PRKCQ: variants seen among roughly 807,000 people sequenced by gnomAD.
PRKCQ encodes protein kinase C theta type.
In PRKCQ, 41 loss-of-function variants were observed where a neutral mutation model predicts 91.2. That is an observed-to-expected ratio of 0.45 (90% CI 0.35 to 0.58). PRKCQ has a LOEUF of 0.58. Among genes scored for constraint, PRKCQ ranks in the 20% least tolerant of loss-of-function variants. The pLI, the probability that PRKCQ is intolerant of heterozygous loss-of-function variation, is 0.00. For missense variants in PRKCQ, 673 were observed against 896.5 expected, an observed-to-expected ratio of 0.75 and a Z score of 3.18; for synonymous variants, 307 against 316.9, an observed-to-expected ratio of 0.97 and a Z score of 0.33.
chr10:6,480,235 G>A (rs991688220), intron 11 of PRKCQ, among the ~76,000 whole-genome samples: 48 of 152,078 alleles, frequency 3.2e-4, no homozygotes, highest in African/African-American at 1.0e-3. Context: ...TTACACTTAC[G>A]ACCTAATTGT....
intron 1 of PRKCQ, among the ~76,000 whole-genome samples, chr10:6,551,943 T>C (rs1588415061): frequency 6.6e-6 from 1 of 152,374 alleles, no homozygotes; most frequent in Non-Finnish European, 1.5e-5. Flanking sequence ...ACCAACAGTG[T>C]ATAAGCATTC....
At chr10:6,442,905 T>A (rs1292189428) in intron 15 of PRKCQ, among the ~76,000 whole-genome samples, 1 of 152,014 alleles carries the variant, frequency 6.6e-6, no homozygotes, top group Non-Finnish European at 1.5e-5. Context: ...GTGGTTGCAG[T>A]GAGCCAAGAT....
intron 1 of PRKCQ, among the ~76,000 whole-genome samples, chr10:6,557,465 C>G (rs749240845): frequency 2.6e-5 from 4 of 152,178 alleles, no homozygotes; most frequent in Non-Finnish European, 5.9e-5. Flanking sequence ...CCCTTCTTCT[C>G]TCCTGCTCTC....
At chr10:6,568,836 C>T (rs904723873) in intron 1 of PRKCQ, among the ~76,000 whole-genome samples, 11 of 151,906 alleles carry the variant, frequency 7.2e-5, no homozygotes, top group Non-Finnish European at 1.5e-4. Context: ...TTACAGTGGT[C>T]CACAAAGCAG....
intron 15 of PRKCQ, among the ~76,000 whole-genome samples, chr10:6,448,142 T>C (rs1834427135): frequency 6.6e-6 from 1 of 152,182 alleles, no homozygotes; most frequent in African/African-American, 2.4e-5. Flanking sequence ...TTAGGGTGTT[T>C]GACTTTGTGT....
chr10:6,518,216 A>G (rs1040843450), intron 1 of PRKCQ, among the ~76,000 whole-genome samples: 2 of 152,356 alleles, frequency 1.3e-5, no homozygotes, highest in South Asian at 4.1e-4. Context: ...AAATATATGC[A>G]ATTGGTATTT....
intron 12 of PRKCQ, among the ~76,000 whole-genome samples, chr10:6,467,296 TGA>T (rs35362449): frequency 0.8 from 88,865 of 111,530 alleles, 35,397 homozygotes; most frequent in East Asian, 0.97. Context: ...CCAAGCAGGC[TGA>T]GAGAGAGAGA....
At chr10:6,479,230 C>CAG in intron 11 of PRKCQ, 65 bp from the exon 12 acceptor site, 1 of 1,571,290 alleles carries the variant, frequency 6.4e-7, no homozygotes. Context: ...AAAAAAGAGA[C>CAG]AGAGTCCTGA....
the PRKCQ span, among the ~76,000 whole-genome samples, chr10:6,415,431 T>C: frequency 1.2e-4 from 8 of 68,564 alleles, no homozygotes; most frequent in Non-Finnish European, 2.5e-4. Flanking sequence ...TATATATATA[T>C]ATATATATAT....
intron 11 of PRKCQ, 94 bp downstream of exon 11, chr10:6,483,346 C>T: frequency 6.6e-7 from 1 of 1,505,422 alleles, no homozygotes; most frequent in Non-Finnish European, 9.2e-7. Context: ...CACATGCAAT[C>T]CTAGTGGCCC....
chr10:6,497,371 A>G lies in PRKCQ; in HGVS notation c.543-120T>C. The G allele has an allele frequency of 8.6e-7, 1 of 1,166,254 alleles. No homozygotes were observed. Among genetic ancestry groups the G allele is most frequent in the Non-Finnish European group, 1.3e-6 (1 of 783,690 alleles). 72.2% of individuals were successfully genotyped at this position (1,166,254 alleles called of 1,614,324 possible). On this transcript the variant is annotated intron_variant, in intron 5 of 17. Transcript: ENST00000263125. This position sits in a 1 kb window ranked among gnomAD's most constrained non-coding sequence, Gnocchi z 4.5. ...GATCACAGAGCAGTTTCTGATCAGCAGCCCTGTTGTATCATTTGCCAAGAG... is the reference window on the plus strand; with the variant it reads ...GATCACAGAGCAGTTTCTGATCAGCGGCCCTGTTGTATCATTTGCCAAGAG...
At chr10:6,424,373 T>C (rs1238207456), downstream of PRKCQ, among the ~76,000 whole-genome samples, 2 of 152,178 alleles carry the variant, frequency 1.3e-5, no homozygotes, top group East Asian at 1.9e-4. Flanking sequence ...TGCTGGTGGC[T>C]TGTGGTGGGG....
At chr10:6,579,363 C>T (rs1366526373) in intron 1 of PRKCQ, among the ~76,000 whole-genome samples, 3 of 152,120 alleles carry the variant, frequency 2.0e-5, no homozygotes, top group Non-Finnish European at 4.4e-5. Flanking sequence ...ACGTCCAGCC[C>T]GCACAGGGGC....
At chr10:6,533,814 T>C (rs1240892182) in intron 1 of PRKCQ, among the ~76,000 whole-genome samples, 2 of 152,210 alleles carry the variant, frequency 1.3e-5, no homozygotes, top group Non-Finnish European at 2.9e-5. Context: ...TGAGACTGTG[T>C]CTACCAGCTA....
intron 15 of PRKCQ, among the ~76,000 whole-genome samples, chr10:6,451,488 T>C (rs1239450440): frequency 6.6e-6 from 1 of 152,200 alleles, no homozygotes; most frequent in Non-Finnish European, 1.5e-5. Flanking sequence ...AGCCGAATTC[T>C]ACCAGAGGTA....
chr10:6,488,231 CTTCCTT>C (rs929376828), intron 8 of PRKCQ, among the ~76,000 whole-genome samples: 2 of 152,172 alleles, frequency 1.3e-5, no homozygotes, highest in Non-Finnish European at 2.9e-5. Flanking sequence ...ACAAATACAA[CTTCCTT>C]TTCATCTTCA....
rs1231983640 is a variant in PRKCQ at position 6,485,200 on chromosome 10, T to C, written c.970A>G (p.Ile324Val). 15 of 1,614,090 alleles carry C rather than the reference T, an allele frequency of 9.3e-6. No homozygotes were observed. The highest frequency in any genetic ancestry group is 1.2e-5 in the Non-Finnish European group (14 of 1,179,980). ...CATGGCGGCCTTGCTTCATTTTTGA[T>C]GGAGCATGGGAGACCAATTTCAACC... ...GPVEIGLPCS[I>V]KNEARPPCLP... Residue 324 changes from isoleucine (I) to valine (V), a missense_variant, in exon 10 of 18, where the codon ATC becomes GTC. Ile to Val is a conservative substitution (Grantham distance 29, BLOSUM62 3). Coordinates refer to ENST00000263125, the MANE Select transcript of PRKCQ (RefSeq NM_006257.5).
chr10:6,572,469 G>A (rs1490220889), intron 1 of PRKCQ, among the ~76,000 whole-genome samples: 1 of 152,156 alleles, frequency 6.6e-6, no homozygotes, highest in African/African-American at 2.4e-5. Context: ...CCACTTATAA[G>A]TGAGAACATA....
At chr10:6,556,307 T>C (rs572618898) in intron 1 of PRKCQ, among the ~76,000 whole-genome samples, 26 of 151,964 alleles carry the variant, frequency 1.7e-4, no homozygotes, top group Middle Eastern at 3.4e-3. Flanking sequence ...TGGCATACGC[T>C]TGTAGTCCTA....
Sources: allele counts gnomAD v4.1 joint callset (sites outside exome capture counted in the v4.1 genomes callset), GRCh38; gene constraint gnomAD v4.1.1; non-coding constraint Gnocchi (gnomAD v3.1); transcripts MANE v1.5; gene names NCBI Gene and HGNC (gene_info 2026-07-23, HGNC 2026-07-21).